Variants in TSEN2 observed in about 807,000 individuals in gnomAD.
The protein encoded by TSEN2 is tRNA-splicing endonuclease subunit Sen2.
A neutral mutation model predicts 59.2 loss-of-function variants in TSEN2; 54 were observed. That is an observed-to-expected ratio of 0.91 (90% CI 0.73 to 1.14). The LOEUF (loss-of-function observed/expected upper bound fraction) is 1.14, where lower values mean the gene tolerates loss of function less well. Among genes scored for constraint, TSEN2 ranks in the 50% most tolerant of loss-of-function variants. The pLI is 0.00. For synonymous variants in TSEN2, 195 were observed against 198.2 expected (o/e 0.98, Z 0.14); for missense variants, 636 against 576.2 (o/e 1.10, Z -1.06).
At chr3:12,530,548 G>C (rs905842922) in intron 10 of TSEN2, 1 of 985,350 alleles carries the variant, frequency 1.0e-6, no homozygotes, top group African/African-American at 1.7e-5. Context: ...TGATTTGCTG[G>C]CTGAAAACAA....
chr3:12,515,910 T>C (rs1162625621), intron 6 of TSEN2, among the ~76,000 whole-genome samples: 1 of 152,070 alleles, frequency 6.6e-6, no homozygotes, highest in Non-Finnish European at 1.5e-5. Context: ...AATTTAAATA[T>C]GGTTATTTAA....
rs759957690 is a variant in TSEN2 at position 12,496,498 on chromosome 3, A to T, written c.272-20A>T. 6.2e-7 allele frequency: 1 copy of T among 1,613,982 alleles called. No homozygotes were observed. Among genetic ancestry groups the T allele is most frequent in the East Asian group, 2.2e-5 (1 of 44,878 alleles). On this transcript the variant is annotated intron_variant, in intron 3 of 11. Coordinates refer to ENST00000284995, the MANE Select transcript of TSEN2 (RefSeq NM_025265.4). Reference sequence around the variant, plus strand: ...CTTATGGGAAATTTGCCTGAAACTAATAGAACTTCTTTGTTCCAGATATGA... The same window carrying T: ...CTTATGGGAAATTTGCCTGAAACTATTAGAACTTCTTTGTTCCAGATATGA...
At chr3:12,492,938 C>T (rs959426202) in intron 3 of TSEN2, among the ~76,000 whole-genome samples, 1 of 152,170 alleles carries the variant, frequency 6.6e-6, no homozygotes, top group African/African-American at 2.4e-5. Flanking sequence ...TTCCCCCATT[C>T]CTCTCTTTCC....
chr3:12,499,603 T>C (rs2054089827), intron 4 of TSEN2, among the ~76,000 whole-genome samples: 1 of 152,158 alleles, frequency 6.6e-6, no homozygotes. Flanking sequence ...GTTTCGTAGA[T>C]GGGGACTCAG....
downstream of TSEN2, among the ~76,000 whole-genome samples, chr3:12,536,644 T>C (rs1404206362): frequency 6.6e-6 from 1 of 152,200 alleles, no homozygotes; most frequent in African/African-American, 2.4e-5. Flanking sequence ...TCTGTTGGTG[T>C]AAATCAATGG....
chr3:12,534,725 A>T (rs911613782), downstream of TSEN2, among the ~76,000 whole-genome samples: 1 of 150,668 alleles, frequency 6.6e-6, no homozygotes, highest in African/African-American at 2.4e-5. Flanking sequence ...AATGGCATGA[A>T]CCCAGGAGGT....
chr3:12,511,802 A>G (rs912221450), intron 6 of TSEN2, among the ~76,000 whole-genome samples: 1 of 152,138 alleles, frequency 6.6e-6, no homozygotes, highest in African/African-American at 2.4e-5. Flanking sequence ...CCTAGGCTCA[A>G]GTGAACCACC....
chr3:12,505,929 C>T (rs1037633376), intron 6 of TSEN2, among the ~76,000 whole-genome samples: 12 of 151,632 alleles, frequency 7.9e-5, no homozygotes, highest in Non-Finnish European at 2.9e-5. Context: ...TGCACTACTG[C>T]GCTCCAGCTT....
At chr3:12,496,090 A>G (rs1311191547) in intron 3 of TSEN2, among the ~76,000 whole-genome samples, 1 of 152,222 alleles carries the variant, frequency 6.6e-6, no homozygotes, top group Non-Finnish European at 1.5e-5. Flanking sequence ...ACTGCAATCA[A>G]GTTCACTTTT....
In TSEN2 at chr3:12,503,554, C is replaced by T. The variant is rs1405585227; in HGVS notation, c.601C>T (p.Pro201Ser). ...CCTGCAGGAGGGCTCTGGCTGCCACCCAACAACAGAGAGCTTTGAGAAAAG... is the reference window on the plus strand; with the variant it reads ...CCTGCAGGAGGGCTCTGGCTGCCACTCAACAACAGAGAGCTTTGAGAAAAG... The part of the protein sequence containing the change: ...GCLQEGSGCH[P>S]TTESFEKSVR... Residue 201 changes from proline to serine, a missense_variant, in exon 5 of 12, where the codon CCA (proline) becomes TCA (serine). Transcript: ENST00000284995. 3.7e-6 allele frequency: 6 copies of T among 1,610,238 alleles called. No homozygotes were observed. Among genetic ancestry groups the T allele is most frequent in the Non-Finnish European group, 4.2e-6 (5 of 1,177,108 alleles).
intron 4 of TSEN2, among the ~76,000 whole-genome samples, chr3:12,498,507 A>G (rs1354893586): frequency 6.6e-6 from 1 of 152,078 alleles, no homozygotes; most frequent in East Asian, 1.9e-4. Flanking sequence ...CCTTTGCCAT[A>G]CTTTGATCAC....
chr3:12,481,699 T>C (rs1022097810), upstream of TSEN2, among the ~76,000 whole-genome samples: 2 of 152,128 alleles, frequency 1.3e-5, no homozygotes, highest in African/African-American at 4.8e-5. Context: ...GTAAGGTGTC[T>C]TTAAACAGAA....
At chr3:12,491,761 A>T (rs2053235953) in intron 2 of TSEN2, among the ~76,000 whole-genome samples, 1 of 152,346 alleles carries the variant, frequency 6.6e-6, no homozygotes, top group South Asian at 2.1e-4. Flanking sequence ...GGCCCTCCAT[A>T]TCATGGGTTC....
chr3:12,495,653 A>C (rs189893948), intron 3 of TSEN2, among the ~76,000 whole-genome samples: 1 of 152,378 alleles, frequency 6.6e-6, no homozygotes, highest in Admixed American at 6.5e-5. Flanking sequence ...TTTAAGCAGC[A>C]ACCATAGTAG....
chr3:12,488,036 C>A (rs570539263), intron 1 of TSEN2, among the ~76,000 whole-genome samples: 2 of 152,158 alleles, frequency 1.3e-5, no homozygotes, highest in East Asian at 3.8e-4. Context: ...CCTCTTTAGT[C>A]TGTGTTTTTC....
chr3:12,537,897 A>T (rs779946872), downstream of TSEN2, among the ~76,000 whole-genome samples: 1 of 152,210 alleles, frequency 6.6e-6, no homozygotes, highest in African/African-American at 2.4e-5. Context: ...ACTAATAATG[A>T]GTAAAGAATT....
upstream of TSEN2, among the ~76,000 whole-genome samples, chr3:12,481,478 CTA>C (rs1161143445): frequency 6.6e-6 from 1 of 151,772 alleles, no homozygotes; most frequent in Non-Finnish European, 1.5e-5. Context: ...TTTTTGAGCT[CTA>C]GTTTGTGCCA....
chr3:12,490,617 A>C (rs796593991), intron 2 of TSEN2, among the ~76,000 whole-genome samples: 1 of 152,372 alleles, frequency 6.6e-6, no homozygotes, highest in African/African-American at 2.4e-5. Context: ...TATAATTTAC[A>C]ACTATAAAGT....
chr3:12,530,981 C>G (rs552197843), intron 10 of TSEN2: 154 of 170,928 alleles, frequency 9.0e-4, no homozygotes, highest in Non-Finnish European at 1.4e-3. Context: ...ACTCACAGTT[C>G]CATGTGGCTG....
Sources: gnomAD v4.1 joint callset for allele counts (sites outside exome capture counted in the v4.1 genomes callset) on GRCh38, gnomAD v4.1.1 for gene constraint, MANE v1.5 for transcripts, NCBI Gene and HGNC (gene_info 2026-07-23, HGNC 2026-07-21) for gene names.